PTPRN2: variants seen among roughly 807,000 people sequenced by gnomAD.
PTPRN2 encodes protein tyrosine phosphatase receptor type N2.
A neutral mutation model predicts 118.8 loss-of-function variants in PTPRN2; 74 were observed. The ratio of observed to expected loss-of-function variants is 0.62; its 90% confidence interval spans 0.52 to 0.76. The LOEUF (loss-of-function observed/expected upper bound fraction) is 0.76, where lower values mean the gene tolerates loss of function less well. PTPRN2 is among the 30% of genes least tolerant of loss of function. The pLI is 0.00. For missense variants in PTPRN2, 1,481 were observed against 1,394.4 expected (o/e 1.06, Z -0.99); for synonymous variants, 641 against 608.0 (o/e 1.05, Z -0.80).
intron 15 of PTPRN2, among the ~76,000 whole-genome samples, chr7:157,604,972 T>C (rs1801915597): frequency 6.6e-6 from 1 of 152,256 alleles, no homozygotes; most frequent in African/African-American, 2.4e-5. Flanking sequence ...CTCCCTGGTG[T>C]GTGGCCGCTT....
rs916190949 is a variant in PTPRN2, at chr7:158,564,572, A to G, written c.112+22986T>C. Among the ~76,000 whole-genome samples, 15 of 152,336 alleles carry G rather than the reference A, an allele frequency of 9.8e-5. 1 individual carries two copies. The highest frequency in any genetic ancestry group is 3.9e-4 in the Admixed American group (6 of 15,308). ...TAGGCAGTTGCCAGGGAGCCAGGAG[A>G]CGGGTGCATGCCAGGCCCTGGCCCC... is the stretch of plus-strand genomic sequence containing the variant. On this transcript the variant is annotated intron_variant, in intron 1 of 22. Coordinates refer to ENST00000389418, the MANE Select transcript of PTPRN2 (RefSeq NM_002847.5).
At chr7:158,334,435 CACACTCTCACCATAAGAGGTG>C (rs1805166273) in intron 2 of PTPRN2, among the ~76,000 whole-genome samples, 1 of 72,374 alleles carries the variant, frequency 1.4e-5, no homozygotes, top group African/African-American at 4.7e-5. Flanking sequence ...CACTCACACC[CACACTCTCACCATAAGAGGTG>C]ACGCCCATAG....
At position 158,099,009 on chromosome 7, in the gene PTPRN2, A is replaced by C. The variant is rs1251418185; in HGVS notation, c.1643+11820T>G. On this transcript the variant is annotated intron_variant, in intron 10 of 22. Coordinates refer to ENST00000389418, the MANE Select transcript of PTPRN2 (RefSeq NM_002847.5). ...CCGGCTGCCTCCCCTTCCTCCCCCA[A>C]CACATCCCGGCTGCCTCCCCTTCCT... 7.0e-3 allele frequency among the ~76,000 whole-genome samples: 123 copies of C among 17,548 alleles called. No homozygotes were observed. In the East Asian group the frequency reaches 0.082, roughly 12 times the overall value. The allele number at this position is 17,548 out of a possible 152,430, so 11.5% of individuals were successfully genotyped here.
rs1020181333 is a variant in PTPRN2 at position 158,216,437 on chromosome 7, T to A, written c.278-11164A>T. Reference sequence around the variant, plus strand: ...AAACACTGGCTGAGTGGGTTTTTTTTAAAAAAAGACTCAACTATACACTAT... The same window carrying A: ...AAACACTGGCTGAGTGGGTTTTTTTAAAAAAAAGACTCAACTATACACTAT... On this transcript the variant is annotated intron_variant, in intron 3 of 22. Coordinates refer to ENST00000389418, the MANE Select transcript of PTPRN2 (RefSeq NM_002847.5). 1.5e-4 allele frequency among the ~76,000 whole-genome samples: 23 copies of A among 151,854 alleles called. No individual in the cohort carries two copies. In the East Asian group the frequency reaches 1.7e-3, roughly 11 times the overall value.
intron 11 of PTPRN2, among the ~76,000 whole-genome samples, chr7:157,958,956 A>T (rs1801356607): frequency 6.6e-6 from 1 of 152,244 alleles, no homozygotes; most frequent in African/African-American, 2.4e-5. Context: ...GTCTTAAAGA[A>T]AACTGGAAGA....
chr7:157,951,530 C>T (rs568682955), intron 11 of PTPRN2, among the ~76,000 whole-genome samples: 12 of 152,196 alleles, frequency 7.9e-5, no homozygotes, highest in African/African-American at 1.7e-4. Context: ...GGCTCCATCA[C>T]GGTCTCTGGG....
In PTPRN2 at chr7:157,583,048, CA is replaced by C. The variant is rs1194993594; in HGVS notation, c.2497-4909del. ...CCTTTGTTTATTGCAGAACTATTCA[CA>C]ATAAACAAGATTTGGAACAACCCAC... On this transcript the variant is annotated intron_variant, in intron 17 of 22. Coordinates refer to ENST00000389418, the MANE Select transcript of PTPRN2 (RefSeq NM_002847.5). The surrounding 1 kb of genome is among the most constrained non-coding windows in gnomAD (Gnocchi z 5.5). Among the ~76,000 whole-genome samples the C allele has an allele frequency of 6.6e-6, 1 of 152,084 alleles. No individual in the cohort carries two copies. The highest frequency in any genetic ancestry group is 1.5e-5 in the Non-Finnish European group (1 of 67,984).
chr7:158,086,600 C>T (rs555605887), intron 10 of PTPRN2, among the ~76,000 whole-genome samples: 36 of 152,310 alleles, frequency 2.4e-4, no homozygotes, highest in South Asian at 6.2e-4. Context: ...AAACCACCAA[C>T]GAAAAGCACA....
chr7:158,271,506 A>G (rs1414941918), intron 3 of PTPRN2, among the ~76,000 whole-genome samples: 1 of 152,234 alleles, frequency 6.6e-6, no homozygotes, highest in Non-Finnish European at 1.5e-5. Flanking sequence ...CAGAGTCCAC[A>G]TGCACGGGAC....
At chr7:158,005,438 G>A (rs1056526788) in intron 11 of PTPRN2, among the ~76,000 whole-genome samples, 3 of 152,088 alleles carry the variant, frequency 2.0e-5, no homozygotes, top group African/African-American at 4.8e-5. Flanking sequence ...ATTGGCTTTC[G>A]CTGATTTCTT....
chr7:157,936,525 C>T (rs545588082), intron 11 of PTPRN2, among the ~76,000 whole-genome samples: 2 of 151,902 alleles, frequency 1.3e-5, no homozygotes, highest in Admixed American at 1.3e-4. Flanking sequence ...CCGAGCACCA[C>T]TCAATCTCAC....
intron 2 of PTPRN2, among the ~76,000 whole-genome samples, chr7:158,477,192 C>T (rs1820338683): frequency 6.6e-6 from 1 of 152,188 alleles, no homozygotes; most frequent in African/African-American, 2.4e-5. Flanking sequence ...AGGGGCGGGG[C>T]CCTGCCCACA....
chr7:158,245,169 TCCA>T (rs1796143282), intron 3 of PTPRN2, among the ~76,000 whole-genome samples: 1 of 142,642 alleles, frequency 7.0e-6, no homozygotes, highest in African/African-American at 2.6e-5. Flanking sequence ...CATGCCGGAA[TCCA>T]TGGCCATGCC....
At chr7:157,747,146 T>C (rs1256741020) in intron 12 of PTPRN2, among the ~76,000 whole-genome samples, 1 of 110,718 alleles carries the variant, frequency 9.0e-6, no homozygotes, top group African/African-American at 3.8e-5. Flanking sequence ...TGTGGGCTGT[T>C]GAGGTGATTC....
At chr7:158,392,084 T>C (rs1304976809) in intron 2 of PTPRN2, among the ~76,000 whole-genome samples, 1 of 152,158 alleles carries the variant, frequency 6.6e-6, no homozygotes, top group Non-Finnish European at 1.5e-5. Context: ...AGGACTGGGC[T>C]GCCTTTGGGG....
At chr7:158,553,167 C>G (rs1437890339) in intron 1 of PTPRN2, among the ~76,000 whole-genome samples, 2 of 151,220 alleles carry the variant, frequency 1.3e-5, no homozygotes, top group Non-Finnish European at 3.0e-5. Flanking sequence ...CCCTTCCTGT[C>G]TACACACATA....
At chr7:157,694,503 A>C (rs1357547806) in intron 12 of PTPRN2, among the ~76,000 whole-genome samples, 1 of 152,128 alleles carries the variant, frequency 6.6e-6, no homozygotes, top group South Asian at 2.1e-4. Flanking sequence ...CCACACTCTA[A>C]GCCCTAGAGT....
intron 3 of PTPRN2, among the ~76,000 whole-genome samples, chr7:158,306,667 T>G (rs190186633): frequency 6.6e-6 from 1 of 152,196 alleles, no homozygotes; most frequent in Admixed American, 6.5e-5. Context: ...CAACAACACC[T>G]AAGGAGAGGG....
At chr7:158,145,758 T>C (rs1460152497) in intron 6 of PTPRN2, among the ~76,000 whole-genome samples, 2 of 152,206 alleles carry the variant, frequency 1.3e-5, no homozygotes, top group African/African-American at 2.4e-5. Context: ...TCATTGCAGC[T>C]AGGACCTTAG....
Sources: gnomAD v4.1 joint callset for allele counts (sites outside exome capture counted in the v4.1 genomes callset) on GRCh38, gnomAD v4.1.1 for gene constraint, Gnocchi (gnomAD v3.1) non-coding constraint, MANE v1.5 for transcripts, NCBI Gene and HGNC (gene_info 2026-07-23, HGNC 2026-07-21) for gene names.